Variants in CARS1 observed in about 807,000 individuals in gnomAD.
CARS1 encodes the protein cysteinyl-tRNA synthetase 1, also known as cysteine--tRNA ligase, cytoplasmic.
CARS1 carries 48 observed loss-of-function variants against 106.2 expected under a neutral mutation model. The ratio of observed to expected loss-of-function variants is 0.45; its 90% confidence interval spans 0.36 to 0.57. The LOEUF is 0.57. Among genes scored for constraint, CARS1 ranks in the 20% least tolerant of loss-of-function variants. The pLI, the probability that CARS1 is intolerant of heterozygous loss-of-function variation, is 0.00. For missense variants in CARS1, 968 were observed against 1,057.2 expected, an observed-to-expected ratio of 0.92 and a Z score of 1.17; for synonymous variants, 409 against 403.4, an observed-to-expected ratio of 1.01 and a Z score of -0.17.
chr11:3,028,341 G>T lies in CARS1; in HGVS notation c.1031+655C>A. 2 of 481,540 alleles carry T rather than the reference G, an allele frequency of 4.2e-6. No individual in the cohort carries two copies. The highest frequency in any genetic ancestry group is 2.1e-5 in the African/African-American group (1 of 48,332). The allele number at this position is 481,540 out of a possible 1,614,324, so 29.8% of individuals were successfully genotyped here. On this transcript the variant is annotated intron_variant, in intron 9 of 22. Transcript: ENST00000380525. This position sits in a 1 kb window ranked among gnomAD's most constrained non-coding sequence, Gnocchi z 4.4. ...GCGTCTTGGTGGTAGTGGTCCCCCGGGCCCAGCTGTCTTCTCTTTTATCTC... is the reference window on the plus strand; with the variant it reads ...GCGTCTTGGTGGTAGTGGTCCCCCGTGCCCAGCTGTCTTCTCTTTTATCTC...
chr11:3,009,245 A>G (rs1209506545), intron 18 of CARS1: 2 of 152,268 alleles, frequency 1.3e-5, no homozygotes, highest in Non-Finnish European at 2.9e-5. Flanking sequence ...CATCCATGGA[A>G]TATGATTTGG....
rs1418718502 is a variant in CARS1, at chr11:3,046,770, G to A, written c.274+983C>T. On this transcript the variant is annotated intron_variant, in intron 2 of 22. Coordinates refer to ENST00000380525, the MANE Select transcript of CARS1 (RefSeq NM_001014437.3). The surrounding 1 kb of genome is among the most constrained non-coding windows in gnomAD (Gnocchi z 5.8). ...GGTGGAGGAGTGCCCACAGCCACAG[G>A]AGGAGCTGGGCCACCCAAAGGCATA... Among the ~76,000 whole-genome samples, 2 of 152,126 alleles carry A rather than the reference G, an allele frequency of 1.3e-5. No individual in the cohort carries two copies. The highest frequency in any genetic ancestry group is 2.9e-5 in the Non-Finnish European group (2 of 68,030).
chr11:3,042,558 G>A (rs1013774119), intron 2 of CARS1, among the ~76,000 whole-genome samples: 4 of 152,066 alleles, frequency 2.6e-5, no homozygotes, highest in Non-Finnish European at 4.4e-5. Context: ...ATTCTGTATG[G>A]CAGCATACCC....
intron 10 of CARS1, among the ~76,000 whole-genome samples, chr11:3,025,618 G>A (rs1367891073): frequency 4.6e-5 from 7 of 152,222 alleles, no homozygotes; most frequent in Non-Finnish European, 1.0e-4. Context: ...GAAACACTAG[G>A]ACAGGCGGGG....
intron 18 of CARS1, chr11:3,009,091 G>A (rs548716796): frequency 1.3e-5 from 2 of 152,466 alleles, no homozygotes; most frequent in African/African-American, 4.8e-5. Flanking sequence ...AGAAGCCTCT[G>A]TGGCTTCTGT....
rs551527856 is a variant in CARS1, at chr11:3,053,191, T to C, written c.25+4152A>G. ...GCGACCTCTCCCTCTCTCTGGCTCT[T>C]TCCTATCAGCATTTATTTTTTATTT... On this transcript the variant is annotated intron_variant, in intron 1 of 22. Coordinates refer to ENST00000380525, the MANE Select transcript of CARS1 (RefSeq NM_001014437.3). The surrounding 1 kb of genome is among the most constrained non-coding windows in gnomAD (Gnocchi z 6.6). Among the ~76,000 whole-genome samples, 78 of 152,224 alleles carry C rather than the reference T, an allele frequency of 5.1e-4. No homozygotes were observed. Among genetic ancestry groups the C allele is most frequent in the Non-Finnish European group, 1.0e-3 (69 of 68,032 alleles).
intron 9 of CARS1, 129 bp from the exon 10 acceptor site, chr11:3,026,926 G>A: frequency 1.9e-6 from 2 of 1,034,806 alleles, no homozygotes; most frequent in Non-Finnish European, 1.4e-6. Context: ...TCTCTGTGGT[G>A]GCCACTGAAA....
chr11:3,024,428 C>A (rs527472396), intron 10 of CARS1, among the ~76,000 whole-genome samples: 1 of 151,974 alleles, frequency 6.6e-6, no homozygotes, highest in Non-Finnish European at 1.5e-5. Context: ...GTGTTGGTAT[C>A]TTTTTTATTT....
In CARS1 at chr11:3,044,128, A is replaced by G. The variant is rs1479130124; in HGVS notation, c.275-1872T>C. Among the ~76,000 whole-genome samples the G allele has an allele frequency of 1.3e-5, 2 of 152,120 alleles. No individual in the cohort carries two copies. Among genetic ancestry groups the G allele is most frequent in the African/African-American group, 4.8e-5 (2 of 41,422 alleles). On this transcript the variant is annotated intron_variant, in intron 2 of 22. Transcript: ENST00000380525. The surrounding 1 kb of genome is among the most constrained non-coding windows in gnomAD (Gnocchi z 4.4). ...ACAAAGACCCTGGAGCTCCTTCAAT[A>G]GGACACTGCTGCCATCTCAGACAGC...
At chr11:3,002,730 C>A in intron 20 of CARS1, 130 bp from the exon 21 acceptor site, 1 of 1,463,476 alleles carries the variant, frequency 6.8e-7, no homozygotes, top group Non-Finnish European at 9.2e-7. Context: ...TGACCAGGCC[C>A]TCCCCACTGT....
Position 3,053,313 on chromosome 11 carries a change from C to T in CARS1, c.25+4030G>A, listed in dbSNP as rs1855879547. Among the ~76,000 whole-genome samples the T allele has an allele frequency of 1.3e-5, 2 of 152,094 alleles. No individual in the cohort carries two copies. Among genetic ancestry groups the T allele is most frequent in the African/African-American group, 4.8e-5 (2 of 41,404 alleles). On this transcript the variant is annotated intron_variant, in intron 1 of 22. Transcript: ENST00000380525. This position sits in a 1 kb window ranked among gnomAD's most constrained non-coding sequence, Gnocchi z 6.6. ...TGGCATGATCTCGGCTCACTGCAAA[C>T]TCTGCCTCCCGGGTTCAAGCGATTC...
Position 3,044,127 on chromosome 11 carries a change from T to C in CARS1, c.275-1871A>G, listed in dbSNP as rs1854827901. ...CACAAAGACCCTGGAGCTCCTTCAA[T>C]AGGACACTGCTGCCATCTCAGACAG... On this transcript the variant is annotated intron_variant, in intron 2 of 22. Transcript: ENST00000380525. This position sits in a 1 kb window ranked among gnomAD's most constrained non-coding sequence, Gnocchi z 4.4. 6.6e-6 allele frequency among the ~76,000 whole-genome samples: 1 copy of C among 152,198 alleles called. No individual in the cohort carries two copies. Among genetic ancestry groups the C allele is most frequent in the South Asian group, 2.1e-4 (1 of 4,814 alleles).
chr11:3,045,169 G>A lies in CARS1; in HGVS notation c.274+2584C>T, dbSNP rs752757251. Among the ~76,000 whole-genome samples the A allele has an allele frequency of 1.3e-5, 2 of 152,166 alleles. No homozygotes were observed. The highest frequency in any genetic ancestry group is 2.4e-5 in the African/African-American group (1 of 41,448). Reference sequence around the variant, plus strand: ...ACGTCCTGATATCCAGTGGACCTCCGTGCTGGAGGCTGGTGATCCAGGGAA... The same window carrying A: ...ACGTCCTGATATCCAGTGGACCTCCATGCTGGAGGCTGGTGATCCAGGGAA... On this transcript the variant is annotated intron_variant, in intron 2 of 22. Coordinates refer to ENST00000380525, the MANE Select transcript of CARS1 (RefSeq NM_001014437.3). The surrounding 1 kb of genome is among the most constrained non-coding windows in gnomAD (Gnocchi z 5.6).
In CARS1 at chr11:3,029,443, C is replaced by T. The variant is rs772745117; in HGVS notation, c.802G>A (p.Val268Met). ...TGEEVNSCVE[V>M]LLEEAKDLLS... The stretch of plus-strand genomic sequence containing the variant: ...AAATCCTTGGCTTCTTCCAGCAACA[C>T]CTGAAGAGAAAGAAACAAAAATCCA... The change falls in exon 8 of 23, where the codon GTG (valine) becomes ATG (methionine). Residue 268 changes from valine (V) to methionine (M), a missense_variant and splice_region_variant. Coordinates refer to ENST00000380525, the MANE Select transcript of CARS1 (RefSeq NM_001014437.3). The surrounding 1 kb of genome is among the most constrained non-coding windows in gnomAD (Gnocchi z 5.9). 1.2e-6 allele frequency: 2 copies of T among 1,613,430 alleles called. No individual in the cohort carries two copies. Among genetic ancestry groups the T allele is most frequent in the South Asian group, 1.1e-5 (1 of 91,082 alleles).
At position 3,017,952 on chromosome 11, in the gene CARS1, C is replaced by T. The variant is rs1851209792; in HGVS notation, c.1632G>A (p.Glu544=). The change falls in exon 15 of 23, where the codon GAG becomes GAA. Residue 544 remains glutamate, a splice_region_variant and synonymous_variant. Coordinates refer to ENST00000380525, the MANE Select transcript of CARS1 (RefSeq NM_001014437.3). The surrounding 1 kb of genome is among the most constrained non-coding windows in gnomAD (Gnocchi z 4.9). ...GGATATCTTTCACATTTAAGAAAAA[C>T]TCCTGAAGTTAGAAAAATCAGTTTA... is the stretch of plus-strand genomic sequence containing the variant. The part of the protein sequence containing the change: ...SALQYEKFLN[E]FFLNVKDILR... 1 of 1,610,042 alleles carries T rather than the reference C, an allele frequency of 6.2e-7. No individual in the cohort carries two copies. Among genetic ancestry groups the T allele is most frequent in the Non-Finnish European group, 8.5e-7 (1 of 1,177,008 alleles).
chr11:3,025,368 C>T (rs941461350), intron 10 of CARS1, among the ~76,000 whole-genome samples: 2 of 152,194 alleles, frequency 1.3e-5, no homozygotes, highest in South Asian at 4.1e-4. Flanking sequence ...GCTGGGATTA[C>T]AGGCAAGCAC....
At position 3,040,016 on chromosome 11, in the gene CARS1, T is replaced by C; in HGVS notation, c.456-85A>G. Reference sequence around the variant, plus strand: ...ACAACACGTGTTTGAACTGCATGAGTGCATTTATATATGATTTTCTCTGCC... The same window carrying C: ...ACAACACGTGTTTGAACTGCATGAGCGCATTTATATATGATTTTCTCTGCC... On this transcript the variant is annotated intron_variant, in intron 4 of 22. Transcript: ENST00000380525. This position sits in a 1 kb window ranked among gnomAD's most constrained non-coding sequence, Gnocchi z 5.8. 1 of 672,206 alleles carries C rather than the reference T, an allele frequency of 1.5e-6. No individual in the cohort carries two copies. Among genetic ancestry groups the C allele is most frequent in the Non-Finnish European group, 2.5e-6 (1 of 393,078 alleles). The allele number at this position is 672,206 out of a possible 1,614,324, so 41.6% of individuals were successfully genotyped here.
chr11:3,054,414 C>T (rs145361281), intron 1 of CARS1, among the ~76,000 whole-genome samples: 1 of 152,328 alleles, frequency 6.6e-6, no homozygotes, highest in African/African-American at 2.4e-5. Context: ...AAGGGTACTG[C>T]CTAAGGCTCT....
intron 1 of CARS1, among the ~76,000 whole-genome samples, chr11:3,055,573 A>C (rs1421974576): frequency 6.6e-6 from 1 of 152,254 alleles, no homozygotes; most frequent in Non-Finnish European, 1.5e-5. Flanking sequence ...CAGGCTGAGG[A>C]CTGGGCAATC....
Sources: allele counts gnomAD v4.1 joint callset (sites outside exome capture counted in the v4.1 genomes callset), GRCh38; gene constraint gnomAD v4.1.1; non-coding constraint Gnocchi (gnomAD v3.1); transcripts MANE v1.5; gene names NCBI Gene and HGNC (gene_info 2026-07-23, HGNC 2026-07-21).